EML6: variants seen among roughly 807,000 people sequenced by gnomAD.
EML6 encodes echinoderm microtubule-associated protein-like 6.
In EML6, 154 loss-of-function variants were observed where a neutral mutation model predicts 240.1. The ratio of observed to expected loss-of-function variants is 0.64; its 90% confidence interval spans 0.56 to 0.73. EML6 has a LOEUF of 0.73. EML6 is among the 30% of genes least tolerant of loss of function. The probability of loss-of-function intolerance (pLI) is 0.00; values close to 1 mark genes in which losing one functional copy is unlikely to be tolerated. For missense variants in EML6, 2,964 were observed against 2,474.6 expected (o/e 1.20, Z -4.20); for synonymous variants, 1,148 against 899.0 (o/e 1.28, Z -4.95).
At chr2:54,881,096 A>C (rs1671784950) in intron 17 of EML6, 1 of 152,214 alleles carries the variant, frequency 6.6e-6, no homozygotes, top group Admixed American at 6.5e-5. Flanking sequence ...CTTATGACAC[A>C]TTCCCAAAAC....
intron 2 of EML6, among the ~76,000 whole-genome samples, chr2:54,793,328 A>C (rs969299859): frequency 6.6e-6 from 1 of 151,750 alleles, no homozygotes; most frequent in African/African-American, 2.4e-5. Flanking sequence ...CCAAGTCATA[A>C]AACACGGATC....
Position 54,869,217 on chromosome 2 carries a change from C to T in EML6, c.2088C>T (p.Tyr696=), listed in dbSNP as rs1671128531. The change falls in exon 15 of 42, where the codon TAC becomes TAT. Residue 696 remains tyrosine, a synonymous_variant. Transcript: ENST00000356458. Reference sequence around the variant, plus strand: ...ACGACTGTAGAAACAATCTGTTCTACACACAAGCTGGAGAAGTAGTCTACC... The same window carrying T: ...ACGACTGTAGAAACAATCTGTTCTATACACAAGCTGGAGAAGTAGTCTACC... ...RGYDCRNNLF[Y]TQAGEVVYHI... is the part of the protein sequence containing the mutation. 3 of 1,551,758 alleles carry T rather than the reference C, an allele frequency of 1.9e-6. No individual in the cohort carries two copies. The highest frequency in any genetic ancestry group is 2.6e-6 in the Non-Finnish European group (3 of 1,146,908).
chr2:54,962,672 C>T lies in EML6; in HGVS notation c.5118C>T (p.Ser1706=), dbSNP rs913112331. The T allele has an allele frequency of 6.5e-6, 10 of 1,528,184 alleles. No individual in the cohort carries two copies. In the African/African-American group the frequency reaches 9.7e-5, roughly 15 times the overall value. The allele number at this position is 1,528,184 out of a possible 1,614,324, so 94.7% of individuals were successfully genotyped here. ...CCAAGGACCTCTTCATCTCTGCCAG[C>T]AACGATGGCACAGCCCGGATCTGGG... ...HPSKDLFISA[S]NDGTARIWDL... The change falls in exon 36 of 42, where the codon AGC becomes AGT. Residue 1706 remains serine, a synonymous_variant. Coordinates refer to ENST00000356458, the MANE Select transcript of EML6 (RefSeq NM_001039753.4).
At chr2:54,803,165 C>T (rs1396823748) in intron 2 of EML6, among the ~76,000 whole-genome samples, 2 of 152,114 alleles carry the variant, frequency 1.3e-5, no homozygotes, top group South Asian at 4.1e-4. Flanking sequence ...TTCTTAACCA[C>T]AAGAGCAAAA....
intron 26 of EML6, among the ~76,000 whole-genome samples, chr2:54,923,306 T>C (rs1382575025): frequency 6.6e-6 from 1 of 151,810 alleles, no homozygotes; most frequent in African/African-American, 2.4e-5. Context: ...TGACTGTATT[T>C]AATTATACTG....
chr2:54,930,247 C>T (rs1337558380), intron 28 of EML6, among the ~76,000 whole-genome samples: 1 of 152,166 alleles, frequency 6.6e-6, no homozygotes, highest in East Asian at 1.9e-4. Flanking sequence ...AAAATATAAT[C>T]ATTTAACCCA....
At chr2:54,863,417 AG>A (rs1434387284) in intron 12 of EML6, among the ~76,000 whole-genome samples, 3 of 152,206 alleles carry the variant, frequency 2.0e-5, no homozygotes, top group African/African-American at 7.2e-5. Flanking sequence ...AGCTGCCAGG[AG>A]GCTGAGGTGG....
At chr2:54,854,128 T>A (rs1670242571) in intron 11 of EML6, among the ~76,000 whole-genome samples, 1 of 152,248 alleles carries the variant, frequency 6.6e-6, no homozygotes. Context: ...TTCGAACAAG[T>A]CATATTTATG....
intron 5 of EML6, among the ~76,000 whole-genome samples, chr2:54,823,295 A>C (rs908284231): frequency 2.0e-5 from 3 of 152,104 alleles, no homozygotes; most frequent in African/African-American, 7.2e-5. Flanking sequence ...TTTGGTAGGA[A>C]GGGTCGGGAG....
chr2:54,952,559 C>A, intron 30 of EML6, 35 bp from the exon 31 acceptor site: 1 of 1,421,766 alleles, frequency 7.0e-7, no homozygotes, highest in Non-Finnish European at 9.7e-7. Context: ...TCTTTAGGTT[C>A]CACTGTTCAC....
Position 54,928,495 on chromosome 2 carries a change from C to A in EML6, c.3858C>A (p.Thr1286=), listed in dbSNP as rs947251614. Residue 1286 remains threonine (T), a synonymous_variant, in exon 27 of 42, where the codon ACC becomes ACA. Transcript: ENST00000356458. ...TGGTGGACAGCGAGGAGTCAGACAC[C>A]GACGTGGAAGAGGATGGAGGTGAGC... ...SKLVDSEESD[T]DVEEDGGYDS... is the part of the protein sequence containing the mutation. 1.3e-6 allele frequency: 2 copies of A among 1,545,428 alleles called. No homozygotes were observed. Among genetic ancestry groups the A allele is most frequent in the Non-Finnish European group, 1.7e-6 (2 of 1,143,116 alleles).
intron 2 of EML6, among the ~76,000 whole-genome samples, chr2:54,735,056 G>A (rs951367358): frequency 2.4e-4 from 37 of 152,138 alleles, no homozygotes; most frequent in Admixed American, 2.6e-4. Context: ...ATCCCTGTGT[G>A]TATCATTTTG....
chr2:54,926,907 G>A (rs1674578087), intron 26 of EML6, among the ~76,000 whole-genome samples: 1 of 152,028 alleles, frequency 6.6e-6, no homozygotes, highest in Non-Finnish European at 1.5e-5. Context: ...CCTCTTATAA[G>A]TTGAGGGTGT....
At chr2:54,967,314 C>T (rs1476013259) in intron 39 of EML6, 4 of 352,610 alleles carry the variant, frequency 1.1e-5, no homozygotes, top group Non-Finnish European at 2.1e-5. Context: ...CGAAGCCCCT[C>T]TTTTTGTGTA....
intron 5 of EML6, among the ~76,000 whole-genome samples, chr2:54,821,928 A>G (rs1402724119): frequency 6.7e-6 from 1 of 150,226 alleles, no homozygotes; most frequent in Non-Finnish European, 1.5e-5. Flanking sequence ...GTAAAAGCAA[A>G]GAAATCGTAA....
intron 2 of EML6, among the ~76,000 whole-genome samples, chr2:54,751,250 A>G (rs1169214079): frequency 1.3e-5 from 2 of 152,222 alleles, no homozygotes; most frequent in African/African-American, 2.4e-5. Flanking sequence ...AAACCTGCAT[A>G]TTGGATTACT....
In EML6 at chr2:54,961,185, T is replaced by TTGTTTTTTTTTTTTTGTTTTTTTTTG. The variant is rs1491471475; in HGVS notation, c.4968+852_4968+853insGTTTTTTTTTTTTTGTTTTTTTTTGT. On this transcript the variant is annotated intron_variant, in intron 35 of 41. Coordinates refer to ENST00000356458, the MANE Select transcript of EML6 (RefSeq NM_001039753.4). Reference sequence around the variant, plus strand: ...GAGCCTGGAAGTTATCAGGAAGTAGTTTTTTTTTTTTTTTTTTTGAGACGG... The same window carrying TTGTTTTTTTTTTTTTGTTTTTTTTTG: ...GAGCCTGGAAGTTATCAGGAAGTAGTTGTTTTTTTTTTTTTGTTTTTTTTTGTTTTTTTTTTTTTTTTTTGAGACGG... Among the ~76,000 whole-genome samples, 127 of 62,362 alleles carry TTGTTTTTTTTTTTTTGTTTTTTTTTG rather than the reference T, an allele frequency of 2.0e-3. 13 individuals are homozygous for TTGTTTTTTTTTTTTTGTTTTTTTTTG. Among genetic ancestry groups the TTGTTTTTTTTTTTTTGTTTTTTTTTG allele is most frequent in the Non-Finnish European group, 3.3e-3 (108 of 32,328 alleles). 40.9% of individuals were successfully genotyped at this position (62,362 alleles called of 152,430 possible). A position where few individuals can be genotyped will look rare whatever the true frequency, so the allele number is the denominator to read the frequency against.
Position 54,725,302 on chromosome 2 carries a change from G to A in EML6, c.197+44G>A. On this transcript the variant is annotated intron_variant, in intron 2 of 41. Coordinates refer to ENST00000356458, the MANE Select transcript of EML6 (RefSeq NM_001039753.4). The surrounding 1 kb of genome is among the most constrained non-coding windows in gnomAD (Gnocchi z 4.3). The stretch of plus-strand genomic sequence containing the variant: ...GCGGCGGGGAGGGGTTGCGTGTGGA[G>A]GCTGGGAAGGTGGGAAGCGGTTGAC... 1 of 1,361,270 alleles carries A rather than the reference G, an allele frequency of 7.3e-7. No homozygotes were observed. The highest frequency in any genetic ancestry group is 1.6e-5 in the South Asian group (1 of 61,222). 84.3% of individuals were successfully genotyped at this position (1,361,270 alleles called of 1,614,324 possible).
At chr2:54,791,007 G>A (rs181387541) in intron 2 of EML6, among the ~76,000 whole-genome samples, 29 of 152,048 alleles carry the variant, frequency 1.9e-4, no homozygotes, top group Admixed American at 3.9e-4. Flanking sequence ...TTACAGGCGT[G>A]AGCCACCGCG....
Sources: allele counts gnomAD v4.1 joint callset (sites outside exome capture counted in the v4.1 genomes callset), GRCh38; gene constraint gnomAD v4.1.1; non-coding constraint Gnocchi (gnomAD v3.1); transcripts MANE v1.5; gene names NCBI Gene and HGNC (gene_info 2026-07-23, HGNC 2026-07-21).